Variants in KCNQ5 observed in about 807,000 individuals in gnomAD.
The protein encoded by KCNQ5 is potassium voltage-gated channel subfamily KQT member 5.
Under a neutral mutation model 98.2 loss-of-function variants are expected in KCNQ5, and 30 were observed. The observed-to-expected ratio is 0.31, with a 90% CI of 0.23 to 0.41. KCNQ5 has a LOEUF of 0.41. KCNQ5 is among the 10% of genes least tolerant of loss of function. KCNQ5 has a pLI of 1.00. For missense variants in KCNQ5, 835 were observed against 1,182.5 expected (o/e 0.71, Z 4.31); for synonymous variants, 458 against 449.4 (o/e 1.02, Z -0.24).
Position 73,111,470 on chromosome 6 carries a change from A to T in KCNQ5, c.1125+67A>T, listed in dbSNP as rs1935537. On this transcript the variant is annotated intron_variant, in intron 7 of 13. Transcript: ENST00000370398. Reference sequence around the variant, plus strand: ...ATAGTGCTTGATGGGTCATTTTCCAATCTCTGTGCTTCATTGCTTGGTAGA... The same window carrying T: ...ATAGTGCTTGATGGGTCATTTTCCATTCTCTGTGCTTCATTGCTTGGTAGA... 24,116 of 1,011,492 alleles carry T rather than the reference A, an allele frequency of 0.024. 3,305 individuals carry two copies. In the African/African-American group the frequency reaches 0.32, roughly 14 times the overall value. 62.7% of individuals were successfully genotyped at this position (1,011,492 alleles called of 1,614,324 possible). A position where few individuals can be genotyped will look rare whatever the true frequency, so the allele number is the denominator to read the frequency against.
chr6:72,918,955 C>G (rs1780278391), intron 1 of KCNQ5, among the ~76,000 whole-genome samples: 1 of 152,180 alleles, frequency 6.6e-6, no homozygotes, highest in Admixed American at 6.5e-5. Flanking sequence ...CTTGCCTTGT[C>G]TTCTCTCGTC....
At chr6:73,150,210 A>G (rs1036068660) in intron 10 of KCNQ5, among the ~76,000 whole-genome samples, 7 of 152,044 alleles carry the variant, frequency 4.6e-5, no homozygotes, top group Non-Finnish European at 8.8e-5. Flanking sequence ...TAGGGATGAC[A>G]CAAAATGCTG....
chr6:73,029,105 A>T (rs1290579029), intron 2 of KCNQ5, among the ~76,000 whole-genome samples: 1 of 152,194 alleles, frequency 6.6e-6, no homozygotes, highest in African/African-American at 2.4e-5. Flanking sequence ...CATATTGATG[A>T]TGTGAGCAGA....
chr6:72,678,946 G>T (rs570772736), intron 1 of KCNQ5, among the ~76,000 whole-genome samples: 2 of 152,220 alleles, frequency 1.3e-5, no homozygotes, highest in Non-Finnish European at 2.9e-5. Flanking sequence ...AATCTTCAAA[G>T]CAATTTTTTC....
chr6:72,900,715 T>C (rs976792935), intron 1 of KCNQ5, among the ~76,000 whole-genome samples: 1 of 151,984 alleles, frequency 6.6e-6, no homozygotes, highest in African/African-American at 2.4e-5. Flanking sequence ...TTTAGTTCTT[T>C]AAGGAATATC....
chr6:72,787,811 C>T, intron 1 of KCNQ5, among the ~76,000 whole-genome samples: 1 of 152,180 alleles, frequency 6.6e-6, no homozygotes, highest in East Asian at 1.9e-4. Context: ...TATTGATTGG[C>T]ACATTCTTCC....
chr6:72,912,135 A>G (rs1779966536), intron 1 of KCNQ5, among the ~76,000 whole-genome samples: 1 of 152,152 alleles, frequency 6.6e-6, no homozygotes, highest in African/African-American at 2.4e-5. Flanking sequence ...AATCAATGCC[A>G]TTGTCATCCC....
At chr6:72,750,663 C>A (rs923682800) in intron 1 of KCNQ5, among the ~76,000 whole-genome samples, 1 of 151,810 alleles carries the variant, frequency 6.6e-6, no homozygotes, top group Non-Finnish European at 1.5e-5. Context: ...AAATATGGTT[C>A]TATTTGATAC....
At chr6:72,952,261 CA>C (rs1766842112) in intron 1 of KCNQ5, among the ~76,000 whole-genome samples, 2 of 152,196 alleles carry the variant, frequency 1.3e-5, no homozygotes, top group Admixed American at 6.5e-5. Flanking sequence ...ACACAGAAAG[CA>C]AACACAAACA....
At chr6:73,150,084 A>G (rs1339530615) in intron 10 of KCNQ5, among the ~76,000 whole-genome samples, 1 of 152,042 alleles carries the variant, frequency 6.6e-6, no homozygotes, top group Non-Finnish European at 1.5e-5. Flanking sequence ...GCATATAAAC[A>G]TGGCAAACAA....
intron 1 of KCNQ5, among the ~76,000 whole-genome samples, chr6:72,722,759 C>T (rs1212617140): frequency 6.6e-6 from 1 of 151,482 alleles, no homozygotes; most frequent in Non-Finnish European, 1.5e-5. Flanking sequence ...CCTGTTAATC[C>T]CATGAAATTA....
chr6:72,866,191 C>T (rs1777972115), intron 1 of KCNQ5, among the ~76,000 whole-genome samples: 1 of 150,168 alleles, frequency 6.7e-6, no homozygotes, highest in South Asian at 2.1e-4. Context: ...ATGTTTGCAA[C>T]TTTATTATGT....
chr6:72,719,125 A>G (rs1769814847), intron 1 of KCNQ5, among the ~76,000 whole-genome samples: 3 of 152,228 alleles, frequency 2.0e-5, no homozygotes, highest in Admixed American at 2.0e-4. Context: ...TAGAACCTGC[A>G]GTCTAAATGG....
chr6:73,173,731 C>G (rs771922805), intron 11 of KCNQ5, among the ~76,000 whole-genome samples: 1 of 151,394 alleles, frequency 6.6e-6, no homozygotes, highest in Non-Finnish European at 1.5e-5. Context: ...GGGCAGATCA[C>G]TTTAGCTCAG....
chr6:72,688,960 C>A (rs779479120), intron 1 of KCNQ5, among the ~76,000 whole-genome samples: 3 of 151,952 alleles, frequency 2.0e-5, no homozygotes, highest in Non-Finnish European at 4.4e-5. Flanking sequence ...AAAGTAAAAA[C>A]AATTCTTTAG....
At chr6:72,744,211 G>A (rs1031784287) in intron 1 of KCNQ5, among the ~76,000 whole-genome samples, 1 of 152,166 alleles carries the variant, frequency 6.6e-6, no homozygotes, top group Admixed American at 6.5e-5. Context: ...TAGAGGGAGA[G>A]GGGAACAGGC....
At chr6:72,900,629 T>G (rs1779462309) in intron 1 of KCNQ5, among the ~76,000 whole-genome samples, 1 of 151,724 alleles carries the variant, frequency 6.6e-6, no homozygotes, top group Non-Finnish European at 1.5e-5. Flanking sequence ...TGCAAGTATC[T>G]TTTTCGCATA....
At chr6:72,669,822 T>C (rs1211078795) in intron 1 of KCNQ5, among the ~76,000 whole-genome samples, 6 of 152,118 alleles carry the variant, frequency 3.9e-5, no homozygotes, top group Non-Finnish European at 8.8e-5. Context: ...CATTCATGAA[T>C]TGCACCTATG....
chr6:73,034,057 C>T (rs1296417491), intron 2 of KCNQ5, among the ~76,000 whole-genome samples: 1 of 152,176 alleles, frequency 6.6e-6, no homozygotes, highest in Non-Finnish European at 1.5e-5. Flanking sequence ...TTGTGTATTT[C>T]CACATTTTGG....
Sources: allele counts gnomAD v4.1 joint callset (sites outside exome capture counted in the v4.1 genomes callset), GRCh38; gene constraint gnomAD v4.1.1; transcripts MANE v1.5; gene names NCBI Gene and HGNC (gene_info 2026-07-23, HGNC 2026-07-21).